Variants in CLIC2 observed in about 807,000 individuals in gnomAD.
The protein encoded by CLIC2 is CLIC family member 2.
In CLIC2, 9 loss-of-function variants were observed where a neutral mutation model predicts 14.8. The observed-to-expected ratio is 0.61, with a 90% CI of 0.37 to 1.06. The LOEUF is 1.06. CLIC2 is among the 50% of genes least tolerant of loss of function. The pLI is 0.01. For missense variants in CLIC2, 148 were observed against 181.4 expected (o/e 0.82, Z 1.06); for synonymous variants, 61 against 66.3 (o/e 0.92, Z 0.39).
chrX:155,281,658 C>A (rs782600567), intron 3 of CLIC2, among the ~76,000 whole-genome samples: 1 of 111,007 alleles, frequency 9.0e-6, no homozygotes, highest in Non-Finnish European at 1.9e-5. Context: ...AATCTGTCCA[C>A]CCCCGCGCCC....
At chrX:155,330,228 G>C (rs1468737006) in intron 1 of CLIC2, among the ~76,000 whole-genome samples, 5 of 111,771 alleles carry the variant, frequency 4.5e-5, no homozygotes, top group Non-Finnish European at 7.6e-5. Flanking sequence ...ATAAATGCTT[G>C]AGGGGATGAA....
intron 1 of CLIC2, among the ~76,000 whole-genome samples, chrX:155,327,784 CA>C (rs782197182): frequency 9.0e-6 from 1 of 111,106 alleles, no homozygotes; most frequent in South Asian, 3.7e-4. Flanking sequence ...AAAGTGAAAA[CA>C]AAAACAAAAC....
chrX:155,298,092 G>C (rs6642267), intron 3 of CLIC2, among the ~76,000 whole-genome samples: 1 of 108,829 alleles, frequency 9.2e-6, no homozygotes, highest in Non-Finnish European at 1.9e-5. Flanking sequence ...GAAGATGGAA[G>C]AGTCACCTGG....
At chrX:155,323,037 T>TAAC (rs1417524743) in intron 1 of CLIC2, among the ~76,000 whole-genome samples, 1 of 111,811 alleles carries the variant, frequency 8.9e-6, no homozygotes, top group Non-Finnish European at 1.9e-5. Flanking sequence ...AGGCAGCAAT[T>TAAC]AACAGTTTAC....
chrX:155,313,409 A>T (rs1949644536), intron 1 of CLIC2, among the ~76,000 whole-genome samples: 1 of 111,967 alleles, frequency 8.9e-6, no homozygotes, highest in Admixed American at 9.5e-5. Context: ...ATAAAGATGC[A>T]TGCACACATG....
intron 3 of CLIC2, chrX:155,290,703 T>C (rs2074961386): frequency 1.2e-6 from 1 of 847,559 alleles, no homozygotes; most frequent in Admixed American, 2.2e-5. Context: ...GGGAATCCTC[T>C]TTGGCAAATC....
chrX:155,295,490 T>C (rs1173459791), intron 3 of CLIC2, among the ~76,000 whole-genome samples: 2 of 110,987 alleles, frequency 1.8e-5, no homozygotes, highest in African/African-American at 6.5e-5. Flanking sequence ...ACCACTCCTA[T>C]TCAACATAGT....
intron 1 of CLIC2, among the ~76,000 whole-genome samples, chrX:155,310,028 T>C (rs1248346140): frequency 8.9e-6 from 1 of 112,175 alleles, no homozygotes; most frequent in Non-Finnish European, 1.9e-5. Context: ...AGCAAGTTAG[T>C]TATTTCCTAG....
intron 2 of CLIC2, 25 bp from the exon 3 acceptor site, chrX:155,298,935 G>A (rs370724812): frequency 8.1e-5 from 97 of 1,199,585 alleles, no homozygotes; most frequent in Non-Finnish European, 1.1e-4. Context: ...AATAAGCAGA[G>A]TTAGGTCTCT....
chrX:155,292,859 A>G (rs2074979364), intron 3 of CLIC2: 1 of 1,031,995 alleles, frequency 9.7e-7, no homozygotes, highest in African/African-American at 1.9e-5. Flanking sequence ...AAGAAAGAAG[A>G]GCTTATTTTG....
intron 1 of CLIC2, among the ~76,000 whole-genome samples, chrX:155,317,670 C>T (rs1328129005): frequency 8.9e-6 from 1 of 111,822 alleles, no homozygotes; most frequent in Non-Finnish European, 1.9e-5. Flanking sequence ...TGACACTATT[C>T]CATTGGATAA....
intron 3 of CLIC2, among the ~76,000 whole-genome samples, chrX:155,290,065 G>T (rs2074958100): frequency 1.8e-5 from 2 of 111,891 alleles, no homozygotes; most frequent in Non-Finnish European, 3.8e-5. Flanking sequence ...TCTAGAACTG[G>T]CTCAATTGTA....
At chrX:155,307,876 T>TA (rs2124193676) in intron 1 of CLIC2, among the ~76,000 whole-genome samples, 1 of 111,054 alleles carries the variant, frequency 9.0e-6, no homozygotes, top group African/African-American at 3.3e-5. Context: ...GACTCTGTCT[T>TA]AAAATAAATT....
chrX:155,280,553 C>T (rs1349225042), intron 3 of CLIC2, among the ~76,000 whole-genome samples: 3 of 110,448 alleles, frequency 2.7e-5, no homozygotes, highest in African/African-American at 9.9e-5. Context: ...ATTAGCTGGG[C>T]GTGGTGGCGG....
At chrX:155,313,289 A>G (rs782510984) in intron 1 of CLIC2, among the ~76,000 whole-genome samples, 4 of 110,999 alleles carry the variant, frequency 3.6e-5, no homozygotes, top group South Asian at 7.7e-4. Flanking sequence ...TAGTTCAACT[A>G]TTGTGGAAAG....
chrX:155,287,305 T>A (rs1466732353), intron 3 of CLIC2, among the ~76,000 whole-genome samples: 1 of 111,768 alleles, frequency 8.9e-6, no homozygotes, highest in Non-Finnish European at 1.9e-5. Context: ...TATGTCCCAT[T>A]GGTCTATGTG....
intron 3 of CLIC2, among the ~76,000 whole-genome samples, chrX:155,284,985 T>C (rs1557316949): frequency 8.9e-6 from 1 of 112,445 alleles, no homozygotes; most frequent in Non-Finnish European, 1.9e-5. Context: ...GATTCCAGAG[T>C]TCTGAAAAAG....
intron 1 of CLIC2, among the ~76,000 whole-genome samples, chrX:155,327,268 G>A (rs781839632): frequency 9.0e-6 from 1 of 111,042 alleles, no homozygotes; most frequent in East Asian, 2.8e-4. Flanking sequence ...AAAATAGTTT[G>A]CAAAACAATG....
Position 155,280,041 on chromosome X carries a change from C to T in CLIC2, c.321G>A (p.Lys107=). The change falls in exon 4 of 6, where the codon AAG becomes AAA. Residue 107 remains lysine, a synonymous_variant. Transcript: ENST00000369449. ...GGTTACAGCCCACATCAAAAGACTC[C>T]TTGTACTTGGGACTCAGGTGAGGGT... The part of the protein sequence containing the change: ...PRYPHLSPKY[K]ESFDVGCNLF... 1 of 1,205,517 alleles carries T rather than the reference C, an allele frequency of 8.3e-7. No individual in the cohort carries two copies. Among genetic ancestry groups the T allele is most frequent in the Non-Finnish European group, 1.1e-6 (1 of 889,824 alleles).
Sources: allele counts gnomAD v4.1 joint callset (sites outside exome capture counted in the v4.1 genomes callset), GRCh38; gene constraint gnomAD v4.1.1; transcripts MANE v1.5; gene names NCBI Gene and HGNC (gene_info 2026-07-23, HGNC 2026-07-21).